RYR3: variants seen among roughly 807,000 people sequenced by gnomAD.
RYR3 encodes brain ryanodine receptor-calcium release channel.
RYR3 carries 207 observed loss-of-function variants against 584.3 expected under a neutral mutation model. The ratio of observed to expected loss-of-function variants is 0.35; its 90% CI spans 0.32 to 0.40. RYR3 has a LOEUF of 0.40. Ranked by LOEUF, RYR3 falls within the 10% of genes least tolerant of loss-of-function variation. RYR3 has a pLI of 1.00. For synonymous variants in RYR3, 2,416 were observed against 2,248.5 expected (o/e 1.07, Z -2.11); for missense variants, 5,616 against 6,089.2 (o/e 0.92, Z 2.59).
chr15:33,398,862 C>T (rs2042455944), intron 1 of RYR3, among the ~76,000 whole-genome samples: 1 of 152,224 alleles, frequency 6.6e-6, no homozygotes, highest in Admixed American at 6.5e-5. Context: ...GAGCATGTCT[C>T]TGACAGCCTG....
chr15:33,488,467 T>A (rs2050671024), intron 2 of RYR3, among the ~76,000 whole-genome samples: 1 of 131,696 alleles, frequency 7.6e-6, no homozygotes, highest in African/African-American at 3.0e-5. Context: ...TTTTTTTTTC[T>A]GTGATTAGAA....
chr15:33,697,386 G>C (rs894281907), intron 39 of RYR3, among the ~76,000 whole-genome samples: 1 of 152,190 alleles, frequency 6.6e-6, no homozygotes, highest in Admixed American at 6.5e-5. Flanking sequence ...GGTGTTTCCT[G>C]CAACCCTCAA....
intron 30 of RYR3, 83 bp from the exon 31 acceptor site, chr15:33,648,989 T>C: frequency 7.3e-7 from 1 of 1,363,302 alleles, no homozygotes. Context: ...TGAGCTGCTG[T>C]GTTATTTCTG....
rs191058574 is a variant in RYR3, at chr15:33,756,881, C to G, written c.8583+508C>G. Among the ~76,000 whole-genome samples, 1,504 of 152,038 alleles carry G rather than the reference C, an allele frequency of 9.9e-3. 17 individuals are homozygous for G. The highest frequency in any genetic ancestry group is 0.034 in the African/African-American group (1,415 of 41,474). ...GAATGCCAAGGAAAAGTTCAGGGAC[C>G]GGGAGAAGGCACAGGACCTGTTTAA... On this transcript the variant is annotated intron_variant, in intron 59 of 103. Transcript: ENST00000634891.
chr15:33,664,108 C>G (rs2063324565), intron 36 of RYR3, among the ~76,000 whole-genome samples: 1 of 152,118 alleles, frequency 6.6e-6, no homozygotes, highest in South Asian at 2.1e-4. Context: ...ACCTGTCTAT[C>G]AGTTACCAAC....
intron 43 of RYR3, among the ~76,000 whole-genome samples, chr15:33,719,299 G>A (rs2067724930): frequency 6.6e-6 from 1 of 152,140 alleles, no homozygotes; most frequent in Non-Finnish European, 1.5e-5. Context: ...AAGGTTAATT[G>A]GGCAAATGAA....
chr15:33,637,945 C>T (rs1382901797), intron 27 of RYR3, among the ~76,000 whole-genome samples: 4 of 152,094 alleles, frequency 2.6e-5, no homozygotes, highest in African/African-American at 4.8e-5. Context: ...AATGCTATCC[C>T]TCCCCGCTCC....
At chr15:33,576,142 A>G (rs2058291519) in intron 12 of RYR3, among the ~76,000 whole-genome samples, 6 of 152,214 alleles carry the variant, frequency 3.9e-5, no homozygotes, top group Admixed American at 3.3e-4. Context: ...AGAAAAGCCC[A>G]GGACAGGATG....
intron 1 of RYR3, among the ~76,000 whole-genome samples, chr15:33,359,780 G>A (rs566988507): frequency 3.4e-4 from 51 of 151,842 alleles, no homozygotes; most frequent in Non-Finnish European, 6.6e-4. Context: ...CACCAAGCCT[G>A]GCTAATTTTT....
chr15:33,603,263 C>T lies in RYR3; in HGVS notation c.2063C>T (p.Ser688Leu). 1 of 1,613,924 alleles carries T rather than the reference C, an allele frequency of 6.2e-7. No individual in the cohort carries two copies. The highest frequency in any genetic ancestry group is 8.5e-7 in the Non-Finnish European group (1 of 1,179,860). ...THLRVGWASS[S>L]GYAPYPGGGE... ...CTGCGGGTGGGCTGGGCCTCTTCTT[C>T]AGGCTATGCCCCATACCCAGGAGGT... The change falls in exon 18 of 104, where the codon TCA becomes TTA. Residue 688 changes from serine (S) to leucine (L), a missense_variant. This residue lies in a region of RYR3 where 1,284 missense variants were observed against 1,344.6 expected (regional missense o/e 0.95). Transcript: ENST00000634891.
chr15:33,767,714 T>TCTCTTCTTTTTTCC (rs1423443178), intron 60 of RYR3, among the ~76,000 whole-genome samples: 2 of 152,190 alleles, frequency 1.3e-5, no homozygotes, highest in Non-Finnish European at 2.9e-5. Flanking sequence ...GGCTTTTTTC[T>TCTCTTCTTTTTTCC]CTCTTCTTTT....
chr15:33,834,309 C>G (rs1404469151), intron 86 of RYR3, among the ~76,000 whole-genome samples: 1 of 145,154 alleles, frequency 6.9e-6, no homozygotes, highest in Non-Finnish European at 1.5e-5. Context: ...CACACACACA[C>G]ACACACACAC....
intron 93 of RYR3, 50 bp downstream of exon 93, chr15:33,845,112 G>T (rs2152988337): frequency 6.3e-7 from 1 of 1,593,480 alleles, no homozygotes; most frequent in East Asian, 2.2e-5. Flanking sequence ...AGGAAGAAAT[G>T]TCCTTTTTGA....
intron 35 of RYR3, 22 bp downstream of exon 35, chr15:33,662,970 G>A (rs776687554): frequency 5.0e-6 from 8 of 1,597,002 alleles, no homozygotes; most frequent in Non-Finnish European, 6.8e-6. Context: ...GTGGTTAAGT[G>A]GAGGCAGGTT....
chr15:33,632,810 A>G (rs2061333416), intron 23 of RYR3, 139 bp from the exon 24 acceptor site: 1 of 644,614 alleles, frequency 1.6e-6, no homozygotes, highest in Non-Finnish European at 2.6e-6. Context: ...GAGCTGAGCT[A>G]TTTGTTCAGC....
intron 1 of RYR3, among the ~76,000 whole-genome samples, chr15:33,322,889 G>T (rs1191941585): frequency 6.6e-6 from 1 of 150,908 alleles, no homozygotes; most frequent in Non-Finnish European, 1.5e-5. Context: ...CTTATTGTAA[G>T]CTCTTAACCA....
chr15:33,366,811 A>G (rs534565682), intron 1 of RYR3, among the ~76,000 whole-genome samples: 6 of 152,230 alleles, frequency 3.9e-5, no homozygotes, highest in Admixed American at 6.5e-5. Context: ...CTTGTTATAC[A>G]TAGTCCAAAT....
rs186011943 is a variant in RYR3 at position 33,354,668 on chromosome 15, T to C, written c.51+43572T>C. On this transcript the variant is annotated intron_variant, in intron 1 of 103. Coordinates refer to ENST00000634891, the MANE Select transcript of RYR3 (RefSeq NM_001036.6). ...GAAGTTGTGGTGTGGGAGTAGTTTCTCACTAACTCTCACATATACTCTTTA... is the reference window on the plus strand; with the variant it reads ...GAAGTTGTGGTGTGGGAGTAGTTTCCCACTAACTCTCACATATACTCTTTA... Among the ~76,000 whole-genome samples the C allele has an allele frequency of 1.2e-4, 19 of 152,312 alleles. No homozygotes were observed. In the East Asian group the frequency reaches 3.7e-3, roughly 29 times the overall value.
At chr15:33,758,152 C>T (rs914440641) in intron 60 of RYR3, among the ~76,000 whole-genome samples, 17 of 152,202 alleles carry the variant, frequency 1.1e-4, no homozygotes, top group Non-Finnish European at 1.6e-4. Flanking sequence ...ACCTGCAGAC[C>T]AGGAGATTCC....
Sources: gnomAD v4.1 joint callset for allele counts (sites outside exome capture counted in the v4.1 genomes callset) on GRCh38, gnomAD v4.1.1 for gene constraint, gnomAD v4.1.1 regional missense constraint, MANE v1.5 for transcripts, NCBI Gene and HGNC (gene_info 2026-07-23, HGNC 2026-07-21) for gene names.